ANKRD6: variants seen among roughly 807,000 people sequenced by gnomAD.
ANKRD6 encodes ankyrin repeat domain-containing protein 6.
ANKRD6 carries 56 observed loss-of-function variants against 82.3 expected under a neutral mutation model. The ratio of observed to expected loss-of-function variants is 0.68; its 90% CI spans 0.55 to 0.85. The LOEUF is 0.85. Ranked by LOEUF, ANKRD6 falls within the 40% of genes least tolerant of loss-of-function variation. The probability of loss-of-function intolerance (pLI) is 0.00; values close to 1 mark genes in which losing one functional copy is unlikely to be tolerated. For missense variants in ANKRD6, 852 were observed against 907.6 expected (o/e 0.94, Z 0.79); for synonymous variants, 347 against 352.1 (o/e 0.99, Z 0.16).
intron 1 of ANKRD6, among the ~76,000 whole-genome samples, chr6:89,497,027 C>A (rs1263680337): frequency 6.6e-6 from 1 of 152,168 alleles, no homozygotes; most frequent in Non-Finnish European, 1.5e-5. Flanking sequence ...TTCTTCTTTT[C>A]TGTTTTGTAT....
At chr6:89,476,514 A>G (rs1232917257) in intron 1 of ANKRD6, among the ~76,000 whole-genome samples, 1 of 152,216 alleles carries the variant, frequency 6.6e-6, no homozygotes, top group Non-Finnish European at 1.5e-5. Flanking sequence ...AAACTGTCTT[A>G]TAAGCTGTTT....
chr6:89,446,464 A>G (rs1772103370), intron 1 of ANKRD6, among the ~76,000 whole-genome samples: 5 of 152,226 alleles, frequency 3.3e-5, no homozygotes, highest in Admixed American at 3.3e-4. Flanking sequence ...TTAAGTCAAG[A>G]GTTAGAATTA....
intron 1 of ANKRD6, among the ~76,000 whole-genome samples, chr6:89,492,813 C>T (rs1562630387): frequency 6.6e-6 from 1 of 152,126 alleles, no homozygotes; most frequent in African/African-American, 2.4e-5. Context: ...CTTTAGTGAG[C>T]TAGAATTTAA....
intron 1 of ANKRD6, among the ~76,000 whole-genome samples, chr6:89,509,496 G>A (rs575125949): frequency 6.6e-6 from 1 of 152,220 alleles, no homozygotes; most frequent in Admixed American, 6.5e-5. Context: ...AGTAAGACGT[G>A]GAAGTCCTGG....
At chr6:89,572,979 GAC>G (rs1790273013) in intron 2 of ANKRD6, among the ~76,000 whole-genome samples, 1 of 152,026 alleles carries the variant, frequency 6.6e-6, no homozygotes, top group Non-Finnish European at 1.5e-5. Context: ...TGTTTGTTTT[GAC>G]ACAGAGTCTT....
At chr6:89,617,906 G>C (rs1250097283) in intron 8 of ANKRD6, 48 bp from the exon 9 acceptor site, 1 of 1,576,664 alleles carries the variant, frequency 6.3e-7, no homozygotes, top group East Asian at 2.2e-5. Context: ...CTATGTGCGT[G>C]TGGGACCCGT....
intron 5 of ANKRD6, among the ~76,000 whole-genome samples, chr6:89,607,633 C>A (rs1485823015): frequency 1.4e-5 from 2 of 142,702 alleles, no homozygotes; most frequent in African/African-American, 2.6e-5. Flanking sequence ...CCCATTATTT[C>A]TTTTACAATT....
chr6:89,453,752 T>TTTGA (rs1293911228), intron 1 of ANKRD6, among the ~76,000 whole-genome samples: 1 of 150,872 alleles, frequency 6.6e-6, no homozygotes, highest in Non-Finnish European at 1.5e-5. Flanking sequence ...TTTTTGTATT[T>TTTGA]TTTATTTATT....
intron 1 of ANKRD6, among the ~76,000 whole-genome samples, chr6:89,462,140 G>T (rs1278503098): frequency 6.6e-6 from 1 of 151,730 alleles, no homozygotes; most frequent in African/African-American, 2.4e-5. Flanking sequence ...GCTGAGGCAG[G>T]AGAATCGCTT....
chr6:89,506,470 G>A lies in ANKRD6; in HGVS notation c.-143-60364G>A, dbSNP rs190215080. On this transcript the variant is annotated intron_variant, in intron 1 of 15. Transcript: ENST00000339746. ...GCTGGGATTACAGGCGTGTGTTACC[G>A]TGCCAGGCTAATTTTTGTATTTTTA... 6.6e-5 allele frequency among the ~76,000 whole-genome samples: 10 copies of A among 151,998 alleles called. No homozygotes were observed. The East Asian group carries it at 9.7e-4, about 15-fold the overall frequency.
At chr6:89,505,603 C>T (rs982609486) in intron 1 of ANKRD6, among the ~76,000 whole-genome samples, 1 of 152,226 alleles carries the variant, frequency 6.6e-6, no homozygotes, top group Non-Finnish European at 1.5e-5. Context: ...TGCCTCCTGG[C>T]ACTCAAGAGA....
At chr6:89,462,236 T>TAATAAA (rs1554214167) in intron 1 of ANKRD6, among the ~76,000 whole-genome samples, 27,647 of 121,818 alleles carry the variant, frequency 0.23, 2,788 homozygotes, top group African/African-American at 0.24. Flanking sequence ...CATCTCAAAA[T>TAATAAA]AATAATAATA....
Position 89,623,492 on chromosome 6 carries a change from C to A in ANKRD6, c.980C>A (p.Ala327Asp), listed in dbSNP as rs1490748972. Residue 327 changes from alanine (A) to aspartate (D), a missense_variant, in exon 11 of 16, where the codon GCC becomes GAC. By Grantham distance (126) the Ala-to-Asp change is moderately radical (BLOSUM62 -2). Coordinates refer to ENST00000339746, the MANE Select transcript of ANKRD6 (RefSeq NM_001242809.2). ...GAAGCCAGAGAAGAGTTCCTGTCAG[C>A]CTCCCCAGAACCCAGAGCAAAGGAT... ...KEEAREEFLS[A>D]SPEPRAKDDR... 3 of 1,598,410 alleles carry A rather than the reference C, an allele frequency of 1.9e-6. No homozygotes were observed. The highest frequency in any genetic ancestry group is 2.6e-6 in the Non-Finnish European group (3 of 1,172,358).
At chr6:89,609,051 C>T (rs1799524827) in intron 5 of ANKRD6, among the ~76,000 whole-genome samples, 1 of 152,220 alleles carries the variant, frequency 6.6e-6, no homozygotes, top group East Asian at 1.9e-4. Flanking sequence ...GCCCCAGGCC[C>T]TCTCCCTCCC....
chr6:89,434,550 C>G (rs902556406), intron 1 of ANKRD6, among the ~76,000 whole-genome samples: 1 of 152,116 alleles, frequency 6.6e-6, no homozygotes, highest in African/African-American at 2.4e-5. Flanking sequence ...CTTTGACCTC[C>G]TTAGCTCAAC....
intron 1 of ANKRD6, among the ~76,000 whole-genome samples, chr6:89,536,019 C>T (rs1326744895): frequency 6.6e-6 from 1 of 152,194 alleles, no homozygotes; most frequent in East Asian, 1.9e-4. Context: ...TGCTTGAGGC[C>T]AGGAGTTTGA....
intron 1 of ANKRD6, among the ~76,000 whole-genome samples, chr6:89,497,736 C>T (rs1242629969): frequency 6.6e-6 from 1 of 152,012 alleles, no homozygotes; most frequent in Non-Finnish European, 1.5e-5. Context: ...ATTTATATAT[C>T]ATAAAATTTA....
At chr6:89,500,878 A>G (rs1779183078) in intron 1 of ANKRD6, among the ~76,000 whole-genome samples, 1 of 151,476 alleles carries the variant, frequency 6.6e-6, no homozygotes, top group Non-Finnish European at 1.5e-5. Flanking sequence ...AACTTAATCT[A>G]TTTCAGGCCA....
intron 1 of ANKRD6, chr6:89,561,307 A>G (rs981208519): frequency 6.6e-6 from 1 of 152,226 alleles, no homozygotes; most frequent in African/African-American, 2.4e-5. Context: ...GGCTCAAGAA[A>G]TAAACATACT....
Sources: gnomAD v4.1 joint callset for allele counts (sites outside exome capture counted in the v4.1 genomes callset) on GRCh38, gnomAD v4.1.1 for gene constraint, MANE v1.5 for transcripts, NCBI Gene and HGNC (gene_info 2026-07-23, HGNC 2026-07-21) for gene names.